The following NTRK2 variants were observed in gnomAD, a reference collection of about 807,000 sequenced individuals.
The protein encoded by NTRK2 is neurotrophic receptor tyrosine kinase 2.
A neutral mutation model predicts 94.5 loss-of-function variants in NTRK2; 13 were observed. That is an observed-to-expected ratio of 0.14 (90% CI 0.09 to 0.22). The LOEUF (loss-of-function observed/expected upper bound fraction) is 0.22. NTRK2 is among the 10% of genes least tolerant of loss of function. The pLI, the probability that NTRK2 is intolerant of heterozygous loss-of-function variation, is 1.00. For missense variants in NTRK2, 639 were observed against 1,071.2 expected (o/e 0.60, Z 5.63); for synonymous variants, 372 against 407.4 (o/e 0.91, Z 1.05).
intron 12 of NTRK2, among the ~76,000 whole-genome samples, chr9:84,860,245 A>G (rs1028997791): frequency 6.6e-6 from 1 of 152,208 alleles, no homozygotes; most frequent in African/African-American, 2.4e-5. Context: ...CTTTGAATCC[A>G]GCGGAAATTA....
At chr9:84,772,157 T>C (rs1299956526) in intron 12 of NTRK2, among the ~76,000 whole-genome samples, 1 of 152,188 alleles carries the variant, frequency 6.6e-6, no homozygotes, top group Non-Finnish European at 1.5e-5. Context: ...ATATTTGGTG[T>C]TCCATAAAGT....
intron 14 of NTRK2, among the ~76,000 whole-genome samples, chr9:84,913,953 A>G (rs1181258848): frequency 6.6e-6 from 1 of 151,850 alleles, no homozygotes; most frequent in Non-Finnish European, 1.5e-5. Context: ...GTTAAGATGT[A>G]GTTCCCTGAG....
intron 5 of NTRK2, 79 bp from the exon 6 acceptor site, chr9:84,710,558 T>A (rs1428427443): frequency 7.0e-7 from 1 of 1,433,726 alleles, no homozygotes; most frequent in Non-Finnish European, 9.8e-7. Flanking sequence ...GAATTCATAA[T>A]GTTGTAGTAT....
chr9:84,676,812 G>A (rs1358483321), intron 2 of NTRK2, among the ~76,000 whole-genome samples: 1 of 152,110 alleles, frequency 6.6e-6, no homozygotes, highest in African/African-American at 2.4e-5. Flanking sequence ...CCATAAATGG[G>A]GAGACAAGTT....
intron 12 of NTRK2, among the ~76,000 whole-genome samples, chr9:84,855,581 ATT>A (rs377152273): frequency 7.3e-4 from 97 of 133,606 alleles, no homozygotes; most frequent in African/African-American, 1.5e-3. Context: ...CCTCAAGCAT[ATT>A]TTTTTTTTTT....
chr9:84,673,856 C>G (rs931813573), intron 2 of NTRK2, among the ~76,000 whole-genome samples: 2 of 152,180 alleles, frequency 1.3e-5, no homozygotes, highest in Admixed American at 6.5e-5. Context: ...GTATGTATCA[C>G]GCCTGCTCAA....
chr9:84,707,240 G>T (rs910325628), intron 4 of NTRK2, among the ~76,000 whole-genome samples: 1 of 152,030 alleles, frequency 6.6e-6, no homozygotes, highest in Admixed American at 6.6e-5. Context: ...TCACTAGAAT[G>T]GTTCAAGATG....
intron 14 of NTRK2, among the ~76,000 whole-genome samples, chr9:84,921,550 G>T (rs1055303112): frequency 6.6e-6 from 1 of 152,186 alleles, no homozygotes; most frequent in East Asian, 1.9e-4. Context: ...TTTGACTTCT[G>T]GGGACAGGCT....
intron 12 of NTRK2, among the ~76,000 whole-genome samples, chr9:84,772,991 C>T (rs1191378846): frequency 5.9e-5 from 9 of 152,038 alleles, no homozygotes; most frequent in East Asian, 1.9e-4. Flanking sequence ...TGATTGGTAA[C>T]AAAATAGTTA....
chr9:84,844,693 ACG>A (rs1554751536), intron 12 of NTRK2, among the ~76,000 whole-genome samples: 3 of 139,102 alleles, frequency 2.2e-5, no homozygotes, highest in African/African-American at 5.2e-5. Context: ...ACACACACAC[ACG>A]GCTATCACTA....
chr9:84,743,109 C>G (rs938119046), intron 10 of NTRK2, among the ~76,000 whole-genome samples: 1 of 152,030 alleles, frequency 6.6e-6, no homozygotes, highest in African/African-American at 2.4e-5. Flanking sequence ...CCTATATTAG[C>G]TTTTGATGGA....
At chr9:84,722,384 G>A (rs2062132025) in intron 6 of NTRK2, among the ~76,000 whole-genome samples, 1 of 152,038 alleles carries the variant, frequency 6.6e-6, no homozygotes, top group African/African-American at 2.4e-5. Flanking sequence ...GGCTTTGCCG[G>A]TAAGAATACA....
Position 84,669,924 on chromosome 9 carries a change from C to A in NTRK2, c.-373+36C>A, listed in dbSNP as rs1022262093. 2.2e-4 allele frequency: 33 copies of A among 152,506 alleles called. No homozygotes were observed. Among genetic ancestry groups the A allele is most frequent in the African/African-American group, 7.7e-4 (32 of 41,574 alleles). 9.4% of individuals were successfully genotyped at this position (152,506 alleles called of 1,614,324 possible). On this transcript the variant is annotated intron_variant, in intron 1 of 18. Transcript: ENST00000277120. The surrounding 1 kb of genome is among the most constrained non-coding windows in gnomAD (Gnocchi z 4.1). ...CAGATAGTGCCCTCGGTCGCCTCGG[C>A]CCTCACTGTCTCCCCCTGGGGCGGC...
chr9:85,026,578 G>A lies in NTRK2; in HGVS notation c.*5141G>A, dbSNP rs1172657059. On this transcript the variant is annotated 3_prime_UTR_variant, in exon 19 of 19. Transcript: ENST00000277120. ...TTAAATATGTAATCCCTTGACAAAT[G>A]ACCAAATTATGGTGAACTATTGCTC... is the stretch of plus-strand genomic sequence containing the variant. The A allele has an allele frequency of 4.3e-6, 1 of 232,734 alleles. No individual in the cohort carries two copies. The highest frequency in any genetic ancestry group is 2.2e-5 in the African/African-American group (1 of 45,300). The allele number at this position is 232,734 out of a possible 1,614,324, so 14.4% of individuals were successfully genotyped here.
chr9:84,673,390 A>G (rs1407243709), intron 2 of NTRK2, among the ~76,000 whole-genome samples: 2 of 152,206 alleles, frequency 1.3e-5, no homozygotes, highest in Non-Finnish European at 2.9e-5. Flanking sequence ...CAAATTATAC[A>G]TATTTTAAAA....
chr9:84,740,225 A>G (rs1417526113), intron 9 of NTRK2, among the ~76,000 whole-genome samples: 1 of 152,152 alleles, frequency 6.6e-6, no homozygotes, highest in Non-Finnish European at 1.5e-5. Context: ...GTCCCCTGCA[A>G]GTGACATCAG....
Position 85,020,384 on chromosome 9 carries a change from A to G in NTRK2, c.2331+20A>G, listed in dbSNP as rs2117950861. The G allele has an allele frequency of 6.2e-7, 1 of 1,613,754 alleles. No individual in the cohort carries two copies. The highest frequency in any genetic ancestry group is 8.5e-7 in the Non-Finnish European group (1 of 1,179,652). The stretch of plus-strand genomic sequence containing the variant: ...AATGAGGTGTGCAATGGGTCTGGCC[A>G]AGACCCTCCAGAGGGCTGAGATCCC... On this transcript the variant is annotated intron_variant, in intron 18 of 18. Coordinates refer to ENST00000277120, the MANE Select transcript of NTRK2 (RefSeq NM_006180.6).
intron 12 of NTRK2, among the ~76,000 whole-genome samples, chr9:84,796,418 G>A (rs192601420): frequency 1.3e-5 from 2 of 152,062 alleles, no homozygotes; most frequent in African/African-American, 2.4e-5. Flanking sequence ...GTTATGTCAC[G>A]AGCCCACACT....
intron 12 of NTRK2, among the ~76,000 whole-genome samples, chr9:84,795,850 CCT>C (rs2133277023): frequency 6.6e-6 from 1 of 152,312 alleles, no homozygotes; most frequent in African/African-American, 2.4e-5. Flanking sequence ...TGGCTGCTCT[CCT>C]ATGGCTCTGT....
Sources: gnomAD v4.1 joint callset for allele counts (sites outside exome capture counted in the v4.1 genomes callset) on GRCh38, gnomAD v4.1.1 for gene constraint, Gnocchi (gnomAD v3.1) non-coding constraint, MANE v1.5 for transcripts, NCBI Gene and HGNC (gene_info 2026-07-23, HGNC 2026-07-21) for gene names.